The following TNS3 variants were observed in gnomAD, a reference collection of about 807,000 sequenced individuals.
TNS3 encodes tensin 3, also known as tensin-3.
Under a neutral mutation model 140.9 loss-of-function variants are expected in TNS3, and 45 were observed. The observed-to-expected ratio is 0.32, with a 90% CI of 0.25 to 0.41. The LOEUF (loss-of-function observed/expected upper bound fraction) is 0.41, where lower values mean the gene tolerates loss of function less well. Ranked by LOEUF, TNS3 falls within the 10% of genes least tolerant of loss-of-function variation. The pLI is 1.00. For synonymous variants in TNS3, 815 were observed against 788.4 expected, an observed-to-expected ratio of 1.03 and a Z score of -0.56; for missense variants, 1,716 against 1,906.7, an observed-to-expected ratio of 0.90 and a Z score of 1.86.
Position 47,465,958 on chromosome 7 carries a change from T to G in TNS3, c.-76+15145A>C, listed in dbSNP as rs568492380. On this transcript the variant is annotated intron_variant, in intron 4 of 30. Coordinates refer to ENST00000311160, the MANE Select transcript of TNS3 (RefSeq NM_022748.12). ...TAAATAAATAAATAAATAAATAATT[T>G]AAAAAAATAAAAGTCAAGAACATTT... 6.6e-4 allele frequency among the ~76,000 whole-genome samples: 97 copies of G among 147,040 alleles called. 1 individual carries two copies. The highest frequency in any genetic ancestry group is 2.6e-3 in the African/African-American group (95 of 36,980).
intron 4 of TNS3, among the ~76,000 whole-genome samples, chr7:47,457,696 G>A (rs548805773): frequency 6.6e-6 from 1 of 152,098 alleles, no homozygotes; most frequent in African/African-American, 2.4e-5. Context: ...ACACACTATG[G>A]TGCCCTCCAT....
At position 47,303,185 on chromosome 7, in the gene TNS3, C is replaced by A. The variant is rs543251547; in HGVS notation, c.3222G>T (p.Ala1074=). 9.9e-6 allele frequency: 16 copies of A among 1,613,458 alleles called. No homozygotes were observed. In the East Asian group the frequency reaches 1.3e-4, roughly 13 times the overall value. Residue 1074 remains alanine (A), a synonymous_variant, in exon 22 of 31, where the codon GCG becomes GCT. Coordinates refer to ENST00000311160, the MANE Select transcript of TNS3 (RefSeq NM_022748.12). The stretch of plus-strand genomic sequence containing the variant: ...GACTGTGGTGGCTGCTGTGTCCAGG[C>A]GCCACCGTGAGAAAGTTGTGGGACA... ...GFLSHNFLTV[A]PGHSSHHSPG...
intron 1 of TNS3, among the ~76,000 whole-genome samples, chr7:47,530,012 T>C (rs947477364): frequency 1.6e-4 from 25 of 152,264 alleles, no homozygotes; most frequent in Admixed American, 1.4e-3. Flanking sequence ...CAATTTCTTA[T>C]AAACTTAAAC....
intron 8 of TNS3, among the ~76,000 whole-genome samples, chr7:47,431,451 G>C (rs193226881): frequency 2.5e-3 from 380 of 152,202 alleles, no homozygotes; most frequent in African/African-American, 8.7e-3. Context: ...AAATTAGCTG[G>C]GTGTGGTGGC....
At chr7:47,467,028 T>C (rs1796747266) in intron 4 of TNS3, among the ~76,000 whole-genome samples, 1 of 152,226 alleles carries the variant, frequency 6.6e-6, no homozygotes, top group Non-Finnish European at 1.5e-5. Flanking sequence ...GTGGTGGTGA[T>C]GGTGTAAGTA....
chr7:47,357,880 C>G (rs1233974465), intron 17 of TNS3, among the ~76,000 whole-genome samples: 1 of 152,182 alleles, frequency 6.6e-6, no homozygotes, highest in African/African-American at 2.4e-5. Context: ...GGAAATGATA[C>G]GTCCACACAA....
intron 9 of TNS3, among the ~76,000 whole-genome samples, chr7:47,424,782 G>A (rs1305193940): frequency 6.6e-6 from 1 of 152,184 alleles, no homozygotes; most frequent in Admixed American, 6.5e-5. Flanking sequence ...GGGTTGGAAA[G>A]GTGTCTCAGG....
chr7:47,285,524 C>T (rs1471066575), intron 27 of TNS3, among the ~76,000 whole-genome samples: 2 of 152,202 alleles, frequency 1.3e-5, no homozygotes, highest in Admixed American at 6.5e-5. Context: ...TCTTCCTTTG[C>T]CTTCTACCAT....
intron 1 of TNS3, among the ~76,000 whole-genome samples, chr7:47,530,423 T>C (rs1799350168): frequency 6.6e-6 from 1 of 151,956 alleles, no homozygotes; most frequent in African/African-American, 2.4e-5. Context: ...ATATGTGTAA[T>C]GGAGACTGAC....
At chr7:47,541,067 G>A (rs1799770457) in intron 1 of TNS3, among the ~76,000 whole-genome samples, 2 of 152,290 alleles carry the variant, frequency 1.3e-5, no homozygotes, top group South Asian at 4.2e-4. Context: ...CTCAGCCTCG[G>A]GCAACAGCCC....
At position 47,378,946 on chromosome 7, in the gene TNS3, A is replaced by G. The variant is rs192652553; in HGVS notation, c.1025-9325T>C. ...CAGTTGATGGGTCTGGTGCTGCACA[A>G]TGTGGAACAGCCAGTGGGGGTTTCA... On this transcript the variant is annotated intron_variant, in intron 16 of 30. Coordinates refer to ENST00000311160, the MANE Select transcript of TNS3 (RefSeq NM_022748.12). Among the ~76,000 whole-genome samples, 226 of 152,310 alleles carry G rather than the reference A, an allele frequency of 1.5e-3. 1 individual carries two copies. Among genetic ancestry groups the G allele is most frequent in the African/African-American group, 5.2e-3 (216 of 41,562 alleles).
At chr7:47,344,610 A>T in intron 20 of TNS3, 145 bp downstream of exon 20, 1 of 805,036 alleles carries the variant, frequency 1.2e-6, no homozygotes, top group Non-Finnish European at 1.9e-6. Context: ...CATCTTTCCC[A>T]GCAAGATCCA....
rs1238430364 is a variant in TNS3 at position 47,277,051 on chromosome 7, A to T, written c.*1025T>A. The T allele has an allele frequency of 6.6e-6, 1 of 152,238 alleles. No individual in the cohort carries two copies. The highest frequency in any genetic ancestry group is 1.5e-5 in the Non-Finnish European group (1 of 68,084). 9.4% of individuals were successfully genotyped at this position (152,238 alleles called of 1,614,324 possible). The stretch of plus-strand genomic sequence containing the variant: ...AAGTCATCCACAATCGGGGAAAAAC[A>T]TTCCAATGAGTAAAACATCAGGGTA... On this transcript the variant is annotated 3_prime_UTR_variant, in exon 31 of 31. Coordinates refer to ENST00000311160, the MANE Select transcript of TNS3 (RefSeq NM_022748.12).
intron 16 of TNS3, among the ~76,000 whole-genome samples, chr7:47,377,138 C>T (rs1791442023): frequency 6.6e-6 from 1 of 152,204 alleles, no homozygotes; most frequent in African/African-American, 2.4e-5. Flanking sequence ...TGGGGCCGTC[C>T]AGCTGAATCA....
chr7:47,433,127 G>A lies in TNS3; in HGVS notation c.324+2155C>T, dbSNP rs554225592. Among the ~76,000 whole-genome samples the A allele has an allele frequency of 7.9e-5, 12 of 152,264 alleles. No homozygotes were observed. In the East Asian group the frequency reaches 2.3e-3, roughly 29 times the overall value. On this transcript the variant is annotated intron_variant, in intron 8 of 30. Transcript: ENST00000311160. ...CACGGCAGAACGGGAAGCATAGGAG[G>A]ACCGACCCTCACTCTGTTCCTGCCC... is the stretch of plus-strand genomic sequence containing the variant.
chr7:47,277,937 C>T lies in TNS3; in HGVS notation c.*139G>A. 1.0e-6 allele frequency: 1 copy of T among 961,456 alleles called. No homozygotes were observed. Among genetic ancestry groups the T allele is most frequent in the Non-Finnish European group, 1.6e-6 (1 of 609,888 alleles). The allele number at this position is 961,456 out of a possible 1,614,324, so 59.6% of individuals were successfully genotyped here. A position where few individuals can be genotyped will look rare whatever the true frequency, so the allele number is the denominator to read the frequency against. ...GTTGTTTGTTCTTGTTTTTGCAGAGCTGGAAGATCCTCTTTCCCCTCATGG... is the reference window on the plus strand; with the variant it reads ...GTTGTTTGTTCTTGTTTTTGCAGAGTTGGAAGATCCTCTTTCCCCTCATGG... On this transcript the variant is annotated 3_prime_UTR_variant, in exon 31 of 31. Transcript: ENST00000311160.
chr7:47,288,943 T>C (rs1785559224), intron 27 of TNS3, among the ~76,000 whole-genome samples: 1 of 152,206 alleles, frequency 6.6e-6, no homozygotes, highest in Non-Finnish European at 1.5e-5. Flanking sequence ...TGACCACAGC[T>C]ACATTTTTCA....
intron 1 of TNS3, among the ~76,000 whole-genome samples, chr7:47,561,220 G>A (rs796585912): frequency 5.3e-5 from 8 of 152,152 alleles, no homozygotes; most frequent in Non-Finnish European, 8.8e-5. Flanking sequence ...CTCAGAGTTG[G>A]ACACATGGAG....
chr7:47,286,766 A>T (rs1785441765), intron 27 of TNS3, among the ~76,000 whole-genome samples: 1 of 152,246 alleles, frequency 6.6e-6, no homozygotes, highest in Non-Finnish European at 1.5e-5. Context: ...TGGTAAATGA[A>T]CATCCATAAG....
Sources: gnomAD v4.1 joint callset for allele counts (sites outside exome capture counted in the v4.1 genomes callset) on GRCh38, gnomAD v4.1.1 for gene constraint, MANE v1.5 for transcripts, NCBI Gene and HGNC (gene_info 2026-07-23, HGNC 2026-07-21) for gene names.